Variants in MOSMO observed in about 807,000 individuals in gnomAD.
MOSMO encodes the protein modulator of smoothened.
MOSMO carries 5 observed loss-of-function variants against 18.4 expected under a neutral mutation model. The observed-to-expected ratio is 0.27, with a 90% CI of 0.14 to 0.57. MOSMO has a LOEUF of 0.57. MOSMO is among the 20% of genes least tolerant of loss of function. The probability of loss-of-function intolerance (pLI) is 0.92; values close to 1 mark genes in which losing one functional copy is unlikely to be tolerated. For missense variants in MOSMO, 138 were observed against 211.8 expected, an observed-to-expected ratio of 0.65 and a Z score of 2.16; for synonymous variants, 82 against 82.3, an observed-to-expected ratio of 1.00 and a Z score of 0.02.
intron 1 of MOSMO, among the ~76,000 whole-genome samples, chr16:22,019,721 G>C (rs1399303522): frequency 6.6e-6 from 1 of 152,164 alleles, no homozygotes. Context: ...TGAGGTGATT[G>C]TAAAAAGTGA....
At chr16:22,066,977 A>G (rs1022183879) in intron 1 of MOSMO, among the ~76,000 whole-genome samples, 5 of 152,230 alleles carry the variant, frequency 3.3e-5, no homozygotes, top group Admixed American at 6.5e-5. Flanking sequence ...AATTATAAAT[A>G]TGTTCCCCAA....
intron 1 of MOSMO, 65 bp downstream of exon 1, chr16:22,008,472 C>A (rs1378922860): frequency 1.7e-6 from 2 of 1,189,820 alleles, no homozygotes; most frequent in East Asian, 5.6e-5. Flanking sequence ...GAGGGGAGAC[C>A]CGGACTGAGG....
chr16:22,056,672 C>T (rs767565604), intron 1 of MOSMO, among the ~76,000 whole-genome samples: 2 of 151,938 alleles, frequency 1.3e-5, no homozygotes, highest in Non-Finnish European at 2.9e-5. Context: ...GCATGAGCCA[C>T]TGTGCCCGGC....
intron 1 of MOSMO, among the ~76,000 whole-genome samples, chr16:22,053,135 G>C (rs1355238655): frequency 1.4e-5 from 2 of 142,542 alleles, no homozygotes; most frequent in Non-Finnish European, 3.1e-5. Context: ...TTTTTTTTTT[G>C]TATTTTTAGT....
intron 1 of MOSMO, among the ~76,000 whole-genome samples, chr16:22,046,458 T>C (rs1320725063): frequency 6.6e-6 from 1 of 152,132 alleles, no homozygotes; most frequent in Admixed American, 6.5e-5. Context: ...TTATTTAATA[T>C]GTATTGATTC....
intron 1 of MOSMO, among the ~76,000 whole-genome samples, chr16:22,015,072 A>G (rs1899610340): frequency 6.6e-6 from 1 of 152,034 alleles, no homozygotes; most frequent in Admixed American, 6.6e-5. Flanking sequence ...ATTTCAGAAC[A>G]TTTTCATTAC....
At position 22,084,329 on chromosome 16, in the gene MOSMO, T is replaced by C. The variant is rs2141792746; in HGVS notation, c.*3449T>C. 6.6e-6 allele frequency: 1 copy of C among 152,242 alleles called. No individual in the cohort carries two copies. Among genetic ancestry groups the C allele is most frequent in the South Asian group, 2.1e-4 (1 of 4,820 alleles). The allele number at this position is 152,242 out of a possible 1,614,324, so 9.4% of individuals were successfully genotyped here. ...CATCTTTAAAAAATTAAATTTACAT[T>C]CACAATTCAAAACAGTAAGCTGTCT... is the stretch of plus-strand genomic sequence containing the variant. On this transcript the variant is annotated 3_prime_UTR_variant, in exon 3 of 3. Coordinates refer to ENST00000542527, the MANE Select transcript of MOSMO (RefSeq NM_001164579.2).
chr16:22,055,908 C>T (rs1264722120), intron 1 of MOSMO, among the ~76,000 whole-genome samples: 1 of 152,136 alleles, frequency 6.6e-6, no homozygotes, highest in South Asian at 2.1e-4. Context: ...TTTCATTATG[C>T]CTCTCTTATA....
downstream of MOSMO, chr16:22,090,261 G>A (rs1327022670): frequency 2.6e-5 from 4 of 152,256 alleles, no homozygotes; most frequent in African/African-American, 7.2e-5. Context: ...GAGAAAGGAA[G>A]ACAGTTCTGT....
intron 2 of MOSMO, among the ~76,000 whole-genome samples, chr16:22,077,500 T>G (rs1221473645): frequency 6.6e-6 from 1 of 152,180 alleles, no homozygotes; most frequent in African/African-American, 2.4e-5. Context: ...CATTAACCCC[T>G]TTCCTGGAGG....
At chr16:22,072,318 C>G (rs2141775684) in intron 1 of MOSMO, among the ~76,000 whole-genome samples, 1 of 152,294 alleles carries the variant, frequency 6.6e-6, no homozygotes, top group South Asian at 2.1e-4. Flanking sequence ...AGTCAGCTTA[C>G]AGAAAATATA....
At chr16:22,013,653 T>C (rs1899578472) in intron 1 of MOSMO, among the ~76,000 whole-genome samples, 1 of 152,160 alleles carries the variant, frequency 6.6e-6, no homozygotes. Context: ...CTAATCATCC[T>C]AGATAGATTT....
At chr16:22,091,400 T>C (rs1901321810), downstream of MOSMO, among the ~76,000 whole-genome samples, 1 of 152,148 alleles carries the variant, frequency 6.6e-6, no homozygotes, top group Admixed American at 6.5e-5. Flanking sequence ...TTCTTTATTT[T>C]TGAGACAGGG....
At chr16:22,060,176 CA>C (rs1314967320) in intron 1 of MOSMO, among the ~76,000 whole-genome samples, 8 of 149,748 alleles carry the variant, frequency 5.3e-5, no homozygotes, top group Admixed American at 4.0e-4. Flanking sequence ...GACTCTGTCT[CA>C]AAAAAAAATT....
chr16:22,072,566 G>C (rs4783355), intron 1 of MOSMO, among the ~76,000 whole-genome samples: 53,679 of 151,984 alleles, frequency 0.35, 11,102 homozygotes, highest in East Asian at 0.7. Context: ...AATCCCAGCA[G>C]TTTGGGAGGC....
In MOSMO at chr16:22,075,510, C is replaced by T; in HGVS notation, c.130C>T (p.Arg44Ter). The T allele has an allele frequency of 2.6e-6, 4 of 1,537,282 alleles. No individual in the cohort carries two copies. Among genetic ancestry groups the T allele is most frequent in the Non-Finnish European group, 3.5e-6 (4 of 1,146,916 alleles). ...SAGALTVGLV[R>*]QCQTIHGRDR... is the part of the protein sequence containing the mutation. Reference sequence around the variant, plus strand: ...AGGAGCACTCACTGTGGGCCTCGTGCGACAGTGTCAAACAATCCATGGACG... The same window carrying T: ...AGGAGCACTCACTGTGGGCCTCGTGTGACAGTGTCAAACAATCCATGGACG... The change falls in exon 2 of 3, where the codon CGA becomes TGA. Residue 44 changes from arginine to a stop codon, truncating the protein, a stop_gained. Transcript: ENST00000542527. LOFTEE classifies it high-confidence loss of function.
intron 1 of MOSMO, among the ~76,000 whole-genome samples, chr16:22,013,955 A>G (rs140503767): frequency 8.5e-4 from 130 of 152,218 alleles, no homozygotes; most frequent in African/African-American, 3.1e-3. Context: ...CAAAAAAGAA[A>G]TAAGGTATTT....
chr16:22,029,714 G>T (rs184902138), intron 1 of MOSMO, among the ~76,000 whole-genome samples: 1 of 152,032 alleles, frequency 6.6e-6, no homozygotes, highest in Non-Finnish European at 1.5e-5. Flanking sequence ...CAGCCTTGAC[G>T]CCCTAGGCTC....
At chr16:22,022,672 C>G (rs1422046796) in intron 1 of MOSMO, among the ~76,000 whole-genome samples, 1 of 152,022 alleles carries the variant, frequency 6.6e-6, no homozygotes, top group East Asian at 1.9e-4. Flanking sequence ...CTGAATGCAC[C>G]CCTCCTTCCA....
Sources: gnomAD v4.1 joint callset for allele counts (sites outside exome capture counted in the v4.1 genomes callset) on GRCh38, gnomAD v4.1.1 for gene constraint, MANE v1.5 for transcripts, NCBI Gene and HGNC (gene_info 2026-07-23, HGNC 2026-07-21) for gene names.